Variants in UGT2B28 observed in about 807,000 individuals in gnomAD.
UGT2B28 encodes the protein UDP-glucuronosyltransferase 2B28.
A neutral mutation model predicts 43.6 loss-of-function variants in UGT2B28; 45 were observed. That is an observed-to-expected ratio of 1.03 (90% CI 0.81 to 1.32). The LOEUF (loss-of-function observed/expected upper bound fraction) is 1.32. Among genes scored for constraint, UGT2B28 ranks in the 40% most tolerant of loss-of-function variants. UGT2B28 has a pLI of 0.00. For synonymous variants in UGT2B28, 204 were observed against 208.1 expected (o/e 0.98, Z 0.17); for missense variants, 649 against 625.5 (o/e 1.04, Z -0.40).
Position 69,286,685 on chromosome 4 carries a change from G to A in UGT2B28, c.871-67G>A. ...CTTGATTTTCTCTCTTTAATATTTG[G>A]TACCAATTCTTTAGTAGTGCCTGCT... On this transcript the variant is annotated intron_variant, in intron 2 of 5. Coordinates refer to ENST00000335568, the MANE Select transcript of UGT2B28 (RefSeq NM_053039.2). 3 of 1,492,702 alleles carry A rather than the reference G, an allele frequency of 2.0e-6. 1 individual carries two copies. Among genetic ancestry groups the A allele is most frequent in the Non-Finnish European group, 2.7e-6 (3 of 1,121,762 alleles). 92.5% of individuals were successfully genotyped at this position (1,492,702 alleles called of 1,614,324 possible).
rs192851494 is a variant in UGT2B28, at chr4:69,282,047, T to C, written c.722-467T>C. Among the ~76,000 whole-genome samples, 5 of 140,088 alleles carry C rather than the reference T, an allele frequency of 3.6e-5. 1 individual carries two copies. In the East Asian group the frequency reaches 6.1e-4, roughly 17 times the overall value. The allele number at this position is 140,088 out of a possible 152,430, so 91.9% of individuals were successfully genotyped here. On this transcript the variant is annotated intron_variant, in intron 1 of 5. Coordinates refer to ENST00000335568, the MANE Select transcript of UGT2B28 (RefSeq NM_053039.2). ...AAGGATTTCTGCCATACTCTCAAAA[T>C]AGTCCGAGTTCACTTGAAGAACCAA...
intron 1 of UGT2B28, among the ~76,000 whole-genome samples, chr4:69,281,527 A>G (rs1374734403): frequency 7.1e-6 from 1 of 141,158 alleles, no homozygotes; most frequent in East Asian, 2.0e-4. Context: ...GATCTTAAAA[A>G]CAGTGAAATC....
chr4:69,281,741 G>C (rs1477029491), intron 1 of UGT2B28, among the ~76,000 whole-genome samples: 1 of 140,130 alleles, frequency 7.1e-6, no homozygotes, highest in Admixed American at 7.1e-5. Flanking sequence ...AAGTTAATCA[G>C]GGTAATTTGA....
intron 1 of UGT2B28, 138 bp from the exon 2 acceptor site, chr4:69,282,376 C>T (rs957067203): frequency 1.4e-5 from 10 of 734,802 alleles, no homozygotes; most frequent in Admixed American, 9.0e-5. Context: ...TATTCATATA[C>T]ATGAATATAT....
intron 2 of UGT2B28, among the ~76,000 whole-genome samples, chr4:69,283,023 CT>C (rs1459134364): frequency 7.1e-6 from 1 of 140,458 alleles, no homozygotes; most frequent in Non-Finnish European, 1.5e-5. Flanking sequence ...CAGTTTCCGT[CT>C]GCACATACCT....
At position 69,280,581 on chromosome 4, in the gene UGT2B28, G is replaced by T. The variant is rs1248954920; in HGVS notation, c.81G>T (p.Leu27=). ...GCTCTGGGAGTTGTGGAAAGGTGCT[G>T]GTGTGGACCGGTGAATACAGCCATT... ...YFSSGSCGKV[L]VWTGEYSHWM... is the part of the protein sequence containing the mutation. Residue 27 remains leucine (L), a synonymous_variant, in exon 1 of 6, where the codon CTG becomes CTT. Transcript: ENST00000335568. 6.4e-7 allele frequency: 1 copy of T among 1,560,446 alleles called. No homozygotes were observed. The highest frequency in any genetic ancestry group is 8.7e-7 in the Non-Finnish European group (1 of 1,155,738).
intron 2 of UGT2B28, among the ~76,000 whole-genome samples, chr4:69,285,682 A>G (rs1723753800): frequency 7.1e-6 from 1 of 141,666 alleles, no homozygotes; most frequent in East Asian, 2.0e-4. Flanking sequence ...ACCATTTGGA[A>G]AAGTTTTACC....
intron 2 of UGT2B28, among the ~76,000 whole-genome samples, chr4:69,283,694 G>A (rs1354101053): frequency 1.4e-5 from 2 of 140,610 alleles, no homozygotes; most frequent in South Asian, 2.3e-4. Flanking sequence ...TTGCAATTAT[G>A]GTTATTTTGT....
rs1176160786 is a variant in UGT2B28, at chr4:69,288,387, T to C, written c.1003-1278T>C. ...ATATAATAACCTACCGACAAGTAGA[T>C]ACATTTATACTACTTCTCATATTAT... is the stretch of plus-strand genomic sequence containing the variant. On this transcript the variant is annotated intron_variant, in intron 3 of 5. Transcript: ENST00000335568. Among the ~76,000 whole-genome samples, 12 of 139,488 alleles carry C rather than the reference T, an allele frequency of 8.6e-5. 3 individuals are homozygous for C. The highest frequency in any genetic ancestry group is 7.9e-4 in the Admixed American group (11 of 13,868). 91.5% of individuals were successfully genotyped at this position (139,488 alleles called of 152,430 possible). A position where few individuals can be genotyped will look rare whatever the true frequency, so the allele number is the denominator to read the frequency against.
Position 69,290,765 on chromosome 4 carries a change from A to C in UGT2B28, c.1264A>C (p.Ser422Arg), listed in dbSNP as rs984383794. Residue 422 changes from serine (S) to arginine (R), a missense_variant, in exon 5 of 6, where the codon AGT becomes CGT. Physicochemically the swap from Ser to Arg is moderately radical, Grantham distance 110. Transcript: ENST00000335568. ...AVRLDFHTMS[S>R]TDLLNALKTV... ...TAGACTGGACTTCCACACAATGTCG[A>C]GTACAGACCTGCTGAATGCACTGAA... 2 of 1,559,834 alleles carry C rather than the reference A, an allele frequency of 1.3e-6. No homozygotes were observed. Among genetic ancestry groups the C allele is most frequent in the Non-Finnish European group, 1.7e-6 (2 of 1,155,310 alleles).
rs895814347 is a variant in UGT2B28, at chr4:69,289,952, C to A, written c.1090+200C>A. On this transcript the variant is annotated intron_variant, in intron 4 of 5. Coordinates refer to ENST00000335568, the MANE Select transcript of UGT2B28 (RefSeq NM_053039.2). ...GATATTCACTCATATACTTTATGGTCAGAATCAGAGATAATCTTTATTTCA... is the reference window on the plus strand; with the variant it reads ...GATATTCACTCATATACTTTATGGTAAGAATCAGAGATAATCTTTATTTCA... Among the ~76,000 whole-genome samples the A allele has an allele frequency of 3.6e-5, 5 of 140,572 alleles. 2 individuals carry two copies. Among genetic ancestry groups the A allele is most frequent in the African/African-American group, 1.4e-4 (5 of 35,976 alleles). 92.2% of individuals were successfully genotyped at this position (140,572 alleles called of 152,430 possible). A position where few individuals can be genotyped will look rare whatever the true frequency, so the allele number is the denominator to read the frequency against.
At chr4:69,282,859 G>C (rs112790805) in intron 2 of UGT2B28, among the ~76,000 whole-genome samples, 197 bp downstream of exon 2, 2 of 140,272 alleles carry the variant, frequency 1.4e-5, no homozygotes, top group African/African-American at 5.6e-5. Flanking sequence ...ATTACAAATA[G>C]AGAGGAATAG....
chr4:69,287,138 A>G lies in UGT2B28; in HGVS notation c.1002+255A>G, dbSNP rs192419407. 2.9e-3 allele frequency among the ~76,000 whole-genome samples: 402 copies of G among 139,868 alleles called. 79 individuals carry two copies. Among genetic ancestry groups the G allele is most frequent in the African/African-American group, 0.01 (370 of 35,744 alleles). The allele number at this position is 139,868 out of a possible 152,430, so 91.8% of individuals were successfully genotyped here. ...ACTACCAGTGGGAACTCAGTACTCCATATGTATCCACAAAAGGGAACTTGA... is the reference window on the plus strand; with the variant it reads ...ACTACCAGTGGGAACTCAGTACTCCGTATGTATCCACAAAAGGGAACTTGA... On this transcript the variant is annotated intron_variant, in intron 3 of 5. Coordinates refer to ENST00000335568, the MANE Select transcript of UGT2B28 (RefSeq NM_053039.2).
intron 2 of UGT2B28, among the ~76,000 whole-genome samples, chr4:69,283,024 T>C (rs1157331828): frequency 1.4e-5 from 2 of 140,664 alleles, no homozygotes; most frequent in East Asian, 4.0e-4. Context: ...AGTTTCCGTC[T>C]GCACATACCT....
chr4:69,286,517 A>T (rs544561217), intron 2 of UGT2B28, among the ~76,000 whole-genome samples: 1 of 140,554 alleles, frequency 7.1e-6, no homozygotes, highest in African/African-American at 2.8e-5. Flanking sequence ...CATTACACAC[A>T]TGCAGACACA....
rs377325021 is a variant in UGT2B28 at position 69,289,721 on chromosome 4, G to A, written c.1059G>A (p.Leu353=). The change falls in exon 4 of 6, where the codon CTG becomes CTA. Residue 353 remains leucine (L), a synonymous_variant. Transcript: ENST00000335568. ...KPDALGLNTR[L]YKWIPQNDLL... is the part of the protein sequence containing the mutation. ...ATGCCTTAGGTCTCAATACTCGGCT[G>A]TATAAGTGGATACCCCAGAATGACC... 9 of 1,562,436 alleles carry A rather than the reference G, an allele frequency of 5.8e-6. No individual in the cohort carries two copies. The highest frequency in any genetic ancestry group is 1.5e-5 in the African/African-American group (1 of 66,556).
chr4:69,285,232 T>TA (rs1184291707), intron 2 of UGT2B28, among the ~76,000 whole-genome samples: 11 of 140,216 alleles, frequency 7.8e-5, no homozygotes, highest in South Asian at 2.4e-4. Context: ...AAATCCATAA[T>TA]AAAAAAATAC....
intron 3 of UGT2B28, among the ~76,000 whole-genome samples, chr4:69,287,744 C>T (rs1304072276): frequency 7.1e-6 from 1 of 139,988 alleles, no homozygotes; most frequent in Non-Finnish European, 1.5e-5. Flanking sequence ...GTTTAGATGT[C>T]CCCTCCATAG....
chr4:69,282,699 C>T lies in UGT2B28; in HGVS notation c.870+37C>T, dbSNP rs181237582. 224 of 1,531,636 alleles carry T rather than the reference C, an allele frequency of 1.5e-4. 40 individuals are homozygous for T. In the African/African-American group the frequency reaches 3.2e-3, roughly 22 times the overall value. 94.9% of individuals were successfully genotyped at this position (1,531,636 alleles called of 1,614,324 possible). On this transcript the variant is annotated intron_variant, in intron 2 of 5. Transcript: ENST00000335568. Reference sequence around the variant, plus strand: ...TTCGTTGGTTTTATTTTGTTGGCTTCGAAGTTTCAGTAGAAATGAGTCTAT... The same window carrying T: ...TTCGTTGGTTTTATTTTGTTGGCTTTGAAGTTTCAGTAGAAATGAGTCTAT...
Sources: allele counts gnomAD v4.1 joint callset (sites outside exome capture counted in the v4.1 genomes callset), GRCh38; gene constraint gnomAD v4.1.1; transcripts MANE v1.5; gene names NCBI Gene and HGNC (gene_info 2026-07-23, HGNC 2026-07-21).